Variants in SLC10A2 observed in about 807,000 individuals in gnomAD.
SLC10A2 encodes the protein ileal sodium/bile acid cotransporter.
A neutral mutation model predicts 27.1 loss-of-function variants in SLC10A2; 34 were observed. The ratio of observed to expected loss-of-function variants is 1.26; its 90% CI spans 0.96 to 1.67. The LOEUF is 1.67. Ranked by LOEUF, SLC10A2 falls within the 40% of genes most tolerant of loss-of-function variation. SLC10A2 has a pLI of 0.00. For missense variants in SLC10A2, 530 were observed against 444.4 expected (o/e 1.19, Z -1.73); for synonymous variants, 205 against 174.0 (o/e 1.18, Z -1.40).
At chr13:103,049,976 C>A (rs1483452213) in intron 4 of SLC10A2, among the ~76,000 whole-genome samples, 3 of 151,590 alleles carry the variant, frequency 2.0e-5, no homozygotes, top group African/African-American at 4.8e-5. Flanking sequence ...TAATGAGACC[C>A]TGTTTCTAAA....
At chr13:103,050,710 G>T (rs1338425959) in intron 4 of SLC10A2, among the ~76,000 whole-genome samples, 1 of 152,180 alleles carries the variant, frequency 6.6e-6, no homozygotes, top group African/African-American at 2.4e-5. Context: ...ACTTCAGAAT[G>T]AATGGGCCTA....
chr13:103,048,250 T>C (rs1875668502), intron 5 of SLC10A2, among the ~76,000 whole-genome samples: 1 of 151,784 alleles, frequency 6.6e-6, no homozygotes, highest in Admixed American at 6.6e-5. Context: ...AATTAGCCTG[T>C]CATGGTGGCG....
Position 103,052,723 on chromosome 13 carries a change from A to G in SLC10A2, c.497-15T>C, listed in dbSNP as rs777360452. ...CAGAGATGTACCTAAAGATGACAGA[A>G]GGGCAATGTGATCAGCAGAACAGGT... is the stretch of plus-strand genomic sequence containing the variant. On this transcript the variant is annotated splice_polypyrimidine_tract_variant and intron_variant, in intron 2 of 5. Transcript: ENST00000245312. 4.7e-6 allele frequency: 7 copies of G among 1,482,186 alleles called. No homozygotes were observed. The highest frequency in any genetic ancestry group is 6.6e-6 in the Non-Finnish European group (7 of 1,059,930). The allele number at this position is 1,482,186 out of a possible 1,614,324, so 91.8% of individuals were successfully genotyped here.
At position 103,044,331 on chromosome 13, in the gene SLC10A2, C is replaced by G. The variant is rs1470138314; in HGVS notation, c.*1802G>C. 1.3e-5 allele frequency: 2 copies of G among 152,022 alleles called. No homozygotes were observed. Among genetic ancestry groups the G allele is most frequent in the African/African-American group, 4.8e-5 (2 of 41,398 alleles). 9.4% of individuals were successfully genotyped at this position (152,022 alleles called of 1,614,324 possible). A position where few individuals can be genotyped will look rare whatever the true frequency, so the allele number is the denominator to read the frequency against. On this transcript the variant is annotated 3_prime_UTR_variant, in exon 6 of 6. Coordinates refer to ENST00000245312, the MANE Select transcript of SLC10A2 (RefSeq NM_000452.3). ...AATTACAAGAGGAGTTCTCAGGGTC[C>G]CTTTAGTGTACCTGTCTATTTTCTG...
At chr13:103,055,796 C>T (rs529567015) in intron 2 of SLC10A2, among the ~76,000 whole-genome samples, 46 of 152,276 alleles carry the variant, frequency 3.0e-4, no homozygotes, top group Admixed American at 1.7e-3. Flanking sequence ...TTCTATGTAG[C>T]TGTTAGATAT....
chr13:103,056,135 A>T (rs1875930609), intron 2 of SLC10A2, among the ~76,000 whole-genome samples: 1 of 152,234 alleles, frequency 6.6e-6, no homozygotes, highest in Admixed American at 6.5e-5. Context: ...TGCTGTCACC[A>T]TTGTGCCATC....
chr13:103,066,119 A>G lies in SLC10A2; in HGVS notation c.131T>C (p.Leu44Ser), dbSNP rs1383989681. 1.2e-6 allele frequency: 2 copies of G among 1,614,212 alleles called. No individual in the cohort carries two copies. The highest frequency in any genetic ancestry group is 2.2e-5 in the South Asian group (2 of 91,086). ...GTTGCATCCCATGGAGAACATCACC[A>G]AGGCCAACAGGATGGTCAGCACCGT... ...LSTVLTILLA[L>S]VMFSMGCNVE... Residue 44 changes from leucine (L) to serine (S), a missense_variant, in exon 1 of 6, where the codon TTG (leucine) becomes TCG (serine). Coordinates refer to ENST00000245312, the MANE Select transcript of SLC10A2 (RefSeq NM_000452.3).
chr13:103,056,534 TG>T (rs1211665628), intron 2 of SLC10A2, among the ~76,000 whole-genome samples: 2 of 152,164 alleles, frequency 1.3e-5, no homozygotes, highest in Non-Finnish European at 2.9e-5. Context: ...GAATATTTTA[TG>T]GCTTAAATTA....
At chr13:103,058,205 A>G (rs1442388080) in intron 2 of SLC10A2, 59 bp downstream of exon 2, 1 of 992,880 alleles carries the variant, frequency 1.0e-6, no homozygotes, top group Non-Finnish European at 1.6e-6. Context: ...AGAGCCTAGC[A>G]GGGGGTAAGC....
chr13:103,057,536 A>C (rs1413881394), intron 2 of SLC10A2, among the ~76,000 whole-genome samples: 1 of 151,952 alleles, frequency 6.6e-6, no homozygotes, highest in African/African-American at 2.4e-5. Flanking sequence ...CTGTTGTAAC[A>C]CTCTGGATTG....
intron 1 of SLC10A2, among the ~76,000 whole-genome samples, chr13:103,064,144 C>A (rs1876206460): frequency 6.6e-6 from 1 of 152,156 alleles, no homozygotes. Flanking sequence ...GGTGAGGTTG[C>A]TCCATGTTGC....
At chr13:103,062,436 C>T (rs1876150762) in intron 1 of SLC10A2, among the ~76,000 whole-genome samples, 2 of 152,164 alleles carry the variant, frequency 1.3e-5, no homozygotes, top group African/African-American at 4.8e-5. Flanking sequence ...ATGAAATATA[C>T]CAACTTATTT....
chr13:103,052,836 G>T (rs1875826978), intron 2 of SLC10A2, 128 bp from the exon 3 acceptor site: 2 of 703,864 alleles, frequency 2.8e-6, no homozygotes, highest in Admixed American at 2.0e-5. Flanking sequence ...ACACAAAACA[G>T]AATACAGAAT....
At chr13:103,051,233 A>C in intron 4 of SLC10A2, 24 bp downstream of exon 4, 3 of 1,610,696 alleles carry the variant, frequency 1.9e-6, no homozygotes, top group Non-Finnish European at 2.5e-6. Flanking sequence ...TAAAATTCCC[A>C]ATGTGATTTA....
intron 2 of SLC10A2, among the ~76,000 whole-genome samples, chr13:103,057,674 T>A (rs1169770209): frequency 6.6e-6 from 1 of 151,520 alleles, no homozygotes; most frequent in Non-Finnish European, 1.5e-5. Context: ...AGGTCAGGAG[T>A]TTGAGACCAG....
intron 5 of SLC10A2, among the ~76,000 whole-genome samples, chr13:103,048,184 T>C (rs1415477705): frequency 6.6e-6 from 1 of 152,078 alleles, no homozygotes; most frequent in Admixed American, 6.6e-5. Flanking sequence ...CTCGATCTCC[T>C]GACCTCATGA....
chr13:103,063,842 A>G (rs749751519), intron 1 of SLC10A2, among the ~76,000 whole-genome samples: 9 of 152,226 alleles, frequency 5.9e-5, no homozygotes, highest in Non-Finnish European at 1.0e-4. Context: ...AGAGAGAATA[A>G]TTGATAATTA....
chr13:103,048,432 A>AAG (rs1281820470), intron 5 of SLC10A2, among the ~76,000 whole-genome samples: 7 of 151,578 alleles, frequency 4.6e-5, no homozygotes, highest in African/African-American at 1.2e-4. Flanking sequence ...AAAAAAAGAA[A>AAG]AGAGAGAGAG....
intron 2 of SLC10A2, among the ~76,000 whole-genome samples, chr13:103,054,049 C>G (rs141156905): frequency 0.016 from 2,483 of 152,246 alleles, 27 homozygotes; most frequent in Middle Eastern, 0.065. Flanking sequence ...TTATAATCCC[C>G]AGTTGGAGGA....
Sources: allele counts gnomAD v4.1 joint callset (sites outside exome capture counted in the v4.1 genomes callset), GRCh38; gene constraint gnomAD v4.1.1; transcripts MANE v1.5; gene names NCBI Gene and HGNC (gene_info 2026-07-23, HGNC 2026-07-21).